Variants in IMMP2L observed in about 807,000 individuals in gnomAD.
IMMP2L encodes the protein mitochondrial inner membrane protease subunit 2.
In IMMP2L, 18 loss-of-function variants were observed where a neutral mutation model predicts 19.3. That is an observed-to-expected ratio of 0.93 (90% confidence interval 0.64 to 1.38). IMMP2L has a LOEUF of 1.38. Ranked by LOEUF, IMMP2L falls within the 40% of genes most tolerant of loss-of-function variation. The probability of loss-of-function intolerance (pLI) is 0.00; values close to 1 mark genes in which losing one functional copy is unlikely to be tolerated. For missense variants in IMMP2L, 233 were observed against 218.2 expected (o/e 1.07, Z -0.43); for synonymous variants, 76 against 73.0 (o/e 1.04, Z -0.21).
At chr7:111,119,141 A>C (rs1800266994) in intron 3 of IMMP2L, among the ~76,000 whole-genome samples, 1 of 152,192 alleles carries the variant, frequency 6.6e-6, no homozygotes, top group Non-Finnish European at 1.5e-5. Context: ...AGCAGACCTA[A>C]CGAATTAATT....
At chr7:110,664,664 G>T (rs1584435578) in intron 5 of IMMP2L, among the ~76,000 whole-genome samples, 2 of 152,242 alleles carry the variant, frequency 1.3e-5, no homozygotes, top group East Asian at 3.9e-4. Flanking sequence ...AGGTCTGAAG[G>T]AGGGCCTGGA....
intron 3 of IMMP2L, among the ~76,000 whole-genome samples, chr7:111,306,644 G>A (rs111821267): frequency 0.065 from 9,248 of 142,656 alleles, 355 homozygotes; most frequent in South Asian, 0.085. Flanking sequence ...GTGTGTGTGT[G>A]TGTGTGTGTG....
chr7:111,238,526 A>AT (rs939761549), intron 3 of IMMP2L, among the ~76,000 whole-genome samples: 1 of 151,968 alleles, frequency 6.6e-6, no homozygotes, highest in African/African-American at 2.4e-5. Flanking sequence ...ATAGAGATGG[A>AT]TTTTTTATTA....
At position 110,693,854 on chromosome 7, in the gene IMMP2L, T is replaced by C. The variant is rs1484048777; in HGVS notation, c.409-30133A>G. Among the ~76,000 whole-genome samples, 4 of 152,146 alleles carry C rather than the reference T, an allele frequency of 2.6e-5. No individual in the cohort carries two copies. The South Asian group carries it at 6.2e-4, about 24-fold the overall frequency. ...TTTGTTTTGTTGTTGTTGTTGTTAA[T>C]AAAAGGTCAAGCTAGTCTTTCTGGG... On this transcript the variant is annotated intron_variant, in intron 5 of 5. Coordinates refer to ENST00000405709, the MANE Select transcript of IMMP2L (RefSeq NM_032549.4).
intron 3 of IMMP2L, among the ~76,000 whole-genome samples, chr7:111,228,835 T>C (rs542733138): frequency 6.6e-6 from 1 of 152,016 alleles, no homozygotes; most frequent in South Asian, 2.1e-4. Context: ...AAAGGTATTT[T>C]ACAATGTTAT....
chr7:111,326,885 C>G (rs1035489491), intron 3 of IMMP2L, among the ~76,000 whole-genome samples: 1 of 151,822 alleles, frequency 6.6e-6, no homozygotes, highest in African/African-American at 2.4e-5. Context: ...TAACTGAAAT[C>G]AGGATCTCAA....
At chr7:111,107,343 A>C (rs549767277) in intron 3 of IMMP2L, among the ~76,000 whole-genome samples, 1 of 152,188 alleles carries the variant, frequency 6.6e-6, no homozygotes, top group Non-Finnish European at 1.5e-5. Flanking sequence ...CAGGTAGAAA[A>C]TTCCTTTCAA....
intron 3 of IMMP2L, among the ~76,000 whole-genome samples, chr7:111,470,386 A>G (rs1841128661): frequency 6.6e-6 from 1 of 152,052 alleles, no homozygotes; most frequent in Non-Finnish European, 1.5e-5. Flanking sequence ...TATATACCCA[A>G]AGGACTATAA....
At chr7:110,959,519 T>A (rs1473221874) in intron 4 of IMMP2L, among the ~76,000 whole-genome samples, 1 of 151,986 alleles carries the variant, frequency 6.6e-6, no homozygotes, top group Non-Finnish European at 1.5e-5. Context: ...TCAGACTGTA[T>A]GTGTTCAATT....
intron 3 of IMMP2L, among the ~76,000 whole-genome samples, chr7:111,302,213 C>T (rs1371089946): frequency 6.6e-6 from 1 of 152,098 alleles, no homozygotes; most frequent in Admixed American, 6.6e-5. Context: ...TAAAAAAATA[C>T]TTCCTTGACT....
intron 5 of IMMP2L, among the ~76,000 whole-genome samples, chr7:110,872,382 C>G (rs534272903): frequency 6.6e-6 from 1 of 152,260 alleles, no homozygotes; most frequent in African/African-American, 2.4e-5. Context: ...GATATCACTT[C>G]TAAGAACTTC....
At chr7:110,818,511 T>G (rs1193967680) in intron 5 of IMMP2L, among the ~76,000 whole-genome samples, 1 of 152,164 alleles carries the variant, frequency 6.6e-6, no homozygotes, top group African/African-American at 2.4e-5. Flanking sequence ...TTTACACTGT[T>G]GGTGGGACTG....
chr7:111,050,030 C>T (rs1792852834), intron 3 of IMMP2L, among the ~76,000 whole-genome samples: 1 of 152,108 alleles, frequency 6.6e-6, no homozygotes, highest in African/African-American at 2.4e-5. Context: ...TCTCCTTGGT[C>T]AAAGGTTTCA....
intron 3 of IMMP2L, among the ~76,000 whole-genome samples, chr7:111,004,196 G>T (rs1310278093): frequency 1.3e-5 from 2 of 151,958 alleles, no homozygotes; most frequent in Non-Finnish European, 2.9e-5. Context: ...ACTTCATAGG[G>T]TTGCCATGAG....
Position 110,763,639 on chromosome 7 carries a change from T to C in IMMP2L, c.409-99918A>G, listed in dbSNP as rs1798482324. On this transcript the variant is annotated intron_variant, in intron 5 of 5. Coordinates refer to ENST00000405709, the MANE Select transcript of IMMP2L (RefSeq NM_032549.4). ...CACTGACAAACCACTTAAATCTTTA[T>C]AAAAACTTCATAATTTGCCTGCCAA... Among the ~76,000 whole-genome samples, 5 of 152,290 alleles carry C rather than the reference T, an allele frequency of 3.3e-5. 1 individual carries two copies. Among genetic ancestry groups the C allele is most frequent in the African/African-American group, 9.6e-5 (4 of 41,576 alleles).
At chr7:110,725,396 C>T (rs528380767) in intron 5 of IMMP2L, among the ~76,000 whole-genome samples, 1 of 152,120 alleles carries the variant, frequency 6.6e-6, no homozygotes, top group East Asian at 1.9e-4. Flanking sequence ...TTCTTGGCCT[C>T]CTATCCTTTG....
At chr7:111,339,551 A>G (rs909526209) in intron 3 of IMMP2L, among the ~76,000 whole-genome samples, 8 of 152,132 alleles carry the variant, frequency 5.3e-5, no homozygotes, top group African/African-American at 1.9e-4. Context: ...ACAGTGAAGT[A>G]AAGAGTTTAA....
intron 4 of IMMP2L, among the ~76,000 whole-genome samples, chr7:110,887,311 A>G (rs1810321256): frequency 6.6e-6 from 1 of 152,146 alleles, no homozygotes; most frequent in Non-Finnish European, 1.5e-5. Flanking sequence ...AAGACTAAAG[A>G]TCGATGATAC....
chr7:110,694,695 G>T (rs1229263758), intron 5 of IMMP2L, among the ~76,000 whole-genome samples: 1 of 152,084 alleles, frequency 6.6e-6, no homozygotes, highest in African/African-American at 2.4e-5. Flanking sequence ...GTTAAACATA[G>T]AATTTATATA....
Sources: gnomAD v4.1 joint callset for allele counts (sites outside exome capture counted in the v4.1 genomes callset) on GRCh38, gnomAD v4.1.1 for gene constraint, MANE v1.5 for transcripts, NCBI Gene and HGNC (gene_info 2026-07-23, HGNC 2026-07-21) for gene names.